Variants in GLIS3 observed in about 807,000 individuals in gnomAD.
GLIS3 encodes the protein zinc finger protein GLIS3.
A neutral mutation model predicts 78.6 loss-of-function variants in GLIS3; 53 were observed. The ratio of observed to expected loss-of-function variants is 0.67; its 90% CI spans 0.54 to 0.85. The LOEUF (loss-of-function observed/expected upper bound fraction) is 0.85. Among genes scored for constraint, GLIS3 ranks in the 40% least tolerant of loss-of-function variants. The pLI is 0.00. For synonymous variants in GLIS3, 684 were observed against 509.9 expected, an observed-to-expected ratio of 1.34 and a Z score of -4.60; for missense variants, 1,703 against 1,231.1, an observed-to-expected ratio of 1.38 and a Z score of -5.74.
chr9:4,288,911 C>A (rs982994429), intron 1 of GLIS3, among the ~76,000 whole-genome samples: 4 of 152,026 alleles, frequency 2.6e-5, no homozygotes, highest in East Asian at 1.9e-4. Context: ...GGCGAATATT[C>A]CAGTTTTCAC....
intron 6 of GLIS3, among the ~76,000 whole-genome samples, chr9:3,909,012 A>G (rs1301090269): frequency 6.6e-6 from 1 of 152,220 alleles, no homozygotes; most frequent in Non-Finnish European, 1.5e-5. Flanking sequence ...CAATGAGCAC[A>G]GTCCATCTGG....
At chr9:4,150,507 C>G (rs905063576) in intron 2 of GLIS3, among the ~76,000 whole-genome samples, 1 of 152,214 alleles carries the variant, frequency 6.6e-6, no homozygotes, top group African/African-American at 2.4e-5. Context: ...CACATACCAT[C>G]TAGCACACAG....
chr9:3,856,773 G>C (rs981504393), intron 8 of GLIS3, among the ~76,000 whole-genome samples: 2 of 152,168 alleles, frequency 1.3e-5, no homozygotes, highest in African/African-American at 4.8e-5. Flanking sequence ...CACGAAATCT[G>C]CGTGGGCTCC....
chr9:4,183,015 A>G (rs1000838315), intron 2 of GLIS3, among the ~76,000 whole-genome samples: 3 of 152,180 alleles, frequency 2.0e-5, no homozygotes, highest in African/African-American at 7.2e-5. Context: ...GCAGTGAAGG[A>G]TGGTTATGGG....
chr9:4,091,203 T>C (rs1285719382), intron 4 of GLIS3, among the ~76,000 whole-genome samples: 1 of 151,896 alleles, frequency 6.6e-6, no homozygotes, highest in Non-Finnish European at 1.5e-5. Context: ...AAAATAATTT[T>C]TAAAATGTTA....
At chr9:4,469,831 T>C in the GLIS3 span, among the ~76,000 whole-genome samples, 8 of 151,922 alleles carry the variant, frequency 5.3e-5, no homozygotes, top group South Asian at 2.1e-4. Flanking sequence ...CTTCAAAAAA[T>C]CAATGAATCT....
At chr9:4,273,154 G>C (rs1159844489) in intron 2 of GLIS3, among the ~76,000 whole-genome samples, 1 of 152,170 alleles carries the variant, frequency 6.6e-6, no homozygotes, top group Non-Finnish European at 1.5e-5. Context: ...TATTTCAAAA[G>C]ACAAGTCTCA....
chr9:4,274,230 T>C (rs1826785219), intron 2 of GLIS3, among the ~76,000 whole-genome samples: 1 of 152,202 alleles, frequency 6.6e-6, no homozygotes, highest in African/African-American at 2.4e-5. Context: ...CAATGTACAC[T>C]TGCAAGGTCA....
Position 4,195,771 on chromosome 9 carries a change from G to A in GLIS3, c.389-69830C>T, listed in dbSNP as rs140996884. ...GGGTGGGGTCTTGGAGAACTTTTAT[G>A]TCTAGCTGGAGGATTGTGGATGCAC... On this transcript the variant is annotated intron_variant, in intron 2 of 10. Transcript: ENST00000381971. Among the ~76,000 whole-genome samples the A allele has an allele frequency of 2.6e-3, 395 of 152,392 alleles. 1 individual carries two copies. The highest frequency in any genetic ancestry group is 8.9e-3 in the African/African-American group (369 of 41,598).
intron 2 of GLIS3, among the ~76,000 whole-genome samples, chr9:4,227,274 C>A (rs1330781211): frequency 2.0e-5 from 3 of 149,000 alleles, no homozygotes; most frequent in Admixed American, 6.7e-5. Context: ...TTGCCACACT[C>A]CTAAAGATGG....
intron 6 of GLIS3, among the ~76,000 whole-genome samples, chr9:3,922,778 G>C (rs1455504838): frequency 6.6e-6 from 1 of 152,088 alleles, no homozygotes. Flanking sequence ...AAAAAATGGA[G>C]AAAGAGATGC....
intron 1 of GLIS3, among the ~76,000 whole-genome samples, chr9:4,294,653 C>G (rs1351848858): frequency 6.6e-6 from 1 of 152,138 alleles, no homozygotes; most frequent in East Asian, 1.9e-4. Flanking sequence ...CACTACATTA[C>G]AGTTATTTGC....
chr9:4,484,495 C>A, the GLIS3 span, among the ~76,000 whole-genome samples: 386 of 133,654 alleles, frequency 2.9e-3, no homozygotes, highest in African/African-American at 9.9e-3. Context: ...CTCAGCTCAC[C>A]TTAACCTCTG....
chr9:4,134,343 T>C (rs1441757427), intron 2 of GLIS3, among the ~76,000 whole-genome samples: 1 of 152,194 alleles, frequency 6.6e-6, no homozygotes, highest in Non-Finnish European at 1.5e-5. Context: ...CAATGCCTAA[T>C]ATAAAATATG....
In GLIS3 at chr9:3,827,964, G is replaced by C; in HGVS notation, c.*308C>G. On this transcript the variant is annotated 3_prime_UTR_variant, in exon 11 of 11. Coordinates refer to ENST00000381971, the MANE Select transcript of GLIS3 (RefSeq NM_001042413.2). ...TTTTCATATGCACATCATTTCACTG[G>C]GGTCCTTTAAGGGTTGACAGCCAGG... is the stretch of plus-strand genomic sequence containing the variant. 2.4e-6 allele frequency: 1 copy of C among 412,138 alleles called. No individual in the cohort carries two copies. The highest frequency in any genetic ancestry group is 2.3e-5 in the South Asian group (1 of 44,220). 25.5% of individuals were successfully genotyped at this position (412,138 alleles called of 1,614,324 possible).
intron 2 of GLIS3, among the ~76,000 whole-genome samples, chr9:4,313,752 C>A (rs1415071071): frequency 6.6e-6 from 1 of 152,230 alleles, no homozygotes; most frequent in East Asian, 1.9e-4. Context: ...TCCAATGCCA[C>A]CTCCTCCCGC....
intron 8 of GLIS3, chr9:3,878,901 C>G (rs1821514791): frequency 6.3e-6 from 1 of 158,688 alleles, no homozygotes; most frequent in Admixed American, 5.9e-5. Context: ...TGAAGGGCCT[C>G]GAAAGGCCTC....
intron 4 of GLIS3, among the ~76,000 whole-genome samples, chr9:3,994,170 G>A (rs146872733): frequency 9.7e-4 from 148 of 152,206 alleles, no homozygotes; most frequent in African/African-American, 3.3e-3. Context: ...GTTTCTCTTC[G>A]GATCATATAA....
At chr9:4,169,673 T>A (rs1816200224) in intron 2 of GLIS3, among the ~76,000 whole-genome samples, 1 of 152,274 alleles carries the variant, frequency 6.6e-6, no homozygotes. Flanking sequence ...GTAGAAACTG[T>A]ACATTAACGT....
Sources: gnomAD v4.1 joint callset for allele counts (sites outside exome capture counted in the v4.1 genomes callset) on GRCh38, gnomAD v4.1.1 for gene constraint, MANE v1.5 for transcripts, NCBI Gene and HGNC (gene_info 2026-07-23, HGNC 2026-07-21) for gene names.